The following ITPR2 variants were observed in gnomAD, a reference collection of about 807,000 sequenced individuals.
The protein encoded by ITPR2 is inositol 1,4,5-trisphosphate-gated calcium channel ITPR2.
A neutral mutation model predicts 317.1 loss-of-function variants in ITPR2; 207 were observed. The ratio of observed to expected loss-of-function variants is 0.65; its 90% confidence interval spans 0.58 to 0.73. The LOEUF (loss-of-function observed/expected upper bound fraction) is 0.73, where lower values mean the gene tolerates loss of function less well. Among genes scored for constraint, ITPR2 ranks in the 30% least tolerant of loss-of-function variants. The probability of loss-of-function intolerance (pLI) is 0.00; values close to 1 mark genes in which losing one functional copy is unlikely to be tolerated. For missense variants in ITPR2, 2,613 were observed against 3,284.0 expected (o/e 0.80, Z 4.99); for synonymous variants, 1,156 against 1,149.1 (o/e 1.01, Z -0.12).
intron 55 of ITPR2, among the ~76,000 whole-genome samples, chr12:26,354,519 C>T (rs957341307): frequency 9.2e-5 from 14 of 152,130 alleles, no homozygotes; most frequent in Non-Finnish European, 4.4e-5. Flanking sequence ...TGTTTGCAGC[C>T]GGCCAGCTCA....
At chr12:26,374,485 G>T (rs1453062727) in intron 55 of ITPR2, among the ~76,000 whole-genome samples, 1 of 152,212 alleles carries the variant, frequency 6.6e-6, no homozygotes, top group Non-Finnish European at 1.5e-5. Flanking sequence ...ACACTATGTA[G>T]AATCAGTGAA....
intron 55 of ITPR2, among the ~76,000 whole-genome samples, chr12:26,358,794 T>G (rs1412830965): frequency 6.6e-6 from 1 of 152,142 alleles, no homozygotes; most frequent in Non-Finnish European, 1.5e-5. Flanking sequence ...CATCTGTGGC[T>G]GCCACCTGCC....
chr12:26,513,813 C>T (rs896548258), intron 37 of ITPR2, among the ~76,000 whole-genome samples: 3 of 151,928 alleles, frequency 2.0e-5, no homozygotes, highest in Non-Finnish European at 4.4e-5. Context: ...CGTGGTAGTC[C>T]CTGAACAAAA....
At chr12:26,466,240 C>T (rs1942168036) in intron 45 of ITPR2, among the ~76,000 whole-genome samples, 1 of 152,218 alleles carries the variant, frequency 6.6e-6, no homozygotes, top group Non-Finnish European at 1.5e-5. Context: ...ATTATTTCAT[C>T]TGTTGCGTTC....
Position 26,665,940 on chromosome 12 carries a change from T to C in ITPR2, c.1521A>G (p.Lys507=), listed in dbSNP as rs1400598218. Residue 507 remains lysine, a synonymous_variant, in exon 14 of 57, where the codon AAA becomes AAG. Coordinates refer to ENST00000381340, the MANE Select transcript of ITPR2 (RefSeq NM_002223.4). The part of the protein sequence containing the change: ...VITKPNRERQ[K]LMREQNILAQ... ...CCAGTATGTTTTGTTCCCTCATCAA[T>C]TTTTGACGCTCTCGGTTTGGCTTAG... is the stretch of plus-strand genomic sequence containing the variant. The C allele has an allele frequency of 6.2e-6, 10 of 1,613,538 alleles. No individual in the cohort carries two copies. The highest frequency in any genetic ancestry group is 5.0e-5 in the Admixed American group (3 of 59,888).
intron 1 of ITPR2, among the ~76,000 whole-genome samples, chr12:26,793,482 A>C (rs956098183): frequency 6.6e-6 from 1 of 152,154 alleles, no homozygotes; most frequent in Non-Finnish European, 1.5e-5. Flanking sequence ...GAGTAGGAGG[A>C]TCTGCTCTGC....
chr12:26,424,994 A>T (rs899686651), intron 49 of ITPR2, among the ~76,000 whole-genome samples: 2 of 151,894 alleles, frequency 1.3e-5, no homozygotes, highest in Admixed American at 6.6e-5. Context: ...CTCCTGATCT[A>T]GTGTGATCCG....
chr12:26,657,217 G>A (rs1191398985), intron 18 of ITPR2, among the ~76,000 whole-genome samples: 5 of 152,170 alleles, frequency 3.3e-5, no homozygotes, highest in Non-Finnish European at 7.4e-5. Context: ...ACTGCCTTCA[G>A]TACTTCCGCT....
intron 35 of ITPR2, among the ~76,000 whole-genome samples, chr12:26,556,789 A>G (rs1490912529): frequency 1.8e-4 from 21 of 118,238 alleles, no homozygotes; most frequent in African/African-American, 5.1e-4. Flanking sequence ...AAAAAAAAAA[A>G]AAATTCCAGC....
At chr12:26,577,927 A>G (rs1945313863) in intron 34 of ITPR2, among the ~76,000 whole-genome samples, 1 of 152,210 alleles carries the variant, frequency 6.6e-6, no homozygotes, top group Non-Finnish European at 1.5e-5. Flanking sequence ...AAACCTATCT[A>G]AGGATTAAAT....
intron 28 of ITPR2, 122 bp downstream of exon 28, chr12:26,602,248 G>A (rs1946017887): frequency 3.0e-6 from 3 of 992,920 alleles, no homozygotes; most frequent in African/African-American, 3.3e-5. Flanking sequence ...GGGGTGATGG[G>A]GCACCTGGTG....
rs546329896 is a variant in ITPR2 at position 26,564,094 on chromosome 12, C to T, written c.4631-2142G>A. On this transcript the variant is annotated intron_variant, in intron 34 of 56. Transcript: ENST00000381340. ...CATCTTAGAAATTAAAATGTCCTTG[C>T]ATACATAAACATGTGAAAAATTGGC... Among the ~76,000 whole-genome samples, 6 of 152,198 alleles carry T rather than the reference C, an allele frequency of 3.9e-5. No homozygotes were observed. In the South Asian group the frequency reaches 1.2e-3, roughly 32 times the overall value.
At chr12:26,611,011 G>A (rs201688934) in intron 26 of ITPR2, among the ~76,000 whole-genome samples, 34 of 152,124 alleles carry the variant, frequency 2.2e-4, no homozygotes, top group South Asian at 1.0e-3. Context: ...ACCACTCCCC[G>A]CAACACCACA....
At chr12:26,753,818 C>G (rs1949473448) in intron 2 of ITPR2, among the ~76,000 whole-genome samples, 1 of 152,086 alleles carries the variant, frequency 6.6e-6, no homozygotes, top group Non-Finnish European at 1.5e-5. Context: ...AGCAAACTGG[C>G]CAGTTACAAA....
At position 26,649,822 on chromosome 12, in the gene ITPR2, T is replaced by TAGATAGATAGAC. The variant is rs779584089; in HGVS notation, c.2740+4153_2740+4154insGTCTATCTATCT. 3.2e-3 allele frequency among the ~76,000 whole-genome samples: 380 copies of TAGATAGATAGAC among 119,944 alleles called. 6 individuals are homozygous for TAGATAGATAGAC. The highest frequency in any genetic ancestry group is 7.6e-3 in the East Asian group (32 of 4,218). The allele number at this position is 119,944 out of a possible 152,430, so 78.7% of individuals were successfully genotyped here. On this transcript the variant is annotated intron_variant, in intron 21 of 56. Coordinates refer to ENST00000381340, the MANE Select transcript of ITPR2 (RefSeq NM_002223.4). ...ATAGATAGATAGATAGATAGATAGA[T>TAGATAGATAGAC]AGACAGACAGACAGATAGATAACCT... is the stretch of plus-strand genomic sequence containing the variant.
At chr12:26,665,370 T>A (rs141543637) in intron 14 of ITPR2, among the ~76,000 whole-genome samples, 316 of 152,340 alleles carry the variant, frequency 2.1e-3, no homozygotes, top group African/African-American at 7.1e-3. Context: ...TGGTAGGCTG[T>A]CTCTACAATG....
intron 16 of ITPR2, 44 bp downstream of exon 16, chr12:26,659,069 C>T (rs1565672096): frequency 4.0e-6 from 6 of 1,484,342 alleles, no homozygotes; most frequent in East Asian, 4.6e-5. Flanking sequence ...AACATAAAGC[C>T]GCAATCTCCA....
chr12:26,601,421 C>T (rs1945996183), intron 28 of ITPR2, among the ~76,000 whole-genome samples: 1 of 152,072 alleles, frequency 6.6e-6, no homozygotes, highest in African/African-American at 2.4e-5. Flanking sequence ...GAAGAAATGG[C>T]TGATTCTAGA....
intron 37 of ITPR2, among the ~76,000 whole-genome samples, chr12:26,508,714 G>C (rs1280626682): frequency 6.6e-6 from 1 of 152,122 alleles, no homozygotes; most frequent in African/African-American, 2.4e-5. Context: ...TAAAATAAGT[G>C]ATCTGGGGAC....
Sources: gnomAD v4.1 joint callset for allele counts (sites outside exome capture counted in the v4.1 genomes callset) on GRCh38, gnomAD v4.1.1 for gene constraint, MANE v1.5 for transcripts, NCBI Gene and HGNC (gene_info 2026-07-23, HGNC 2026-07-21) for gene names.